Variants in ZNF268 observed in about 807,000 individuals in gnomAD.
ZNF268 encodes the protein zinc finger protein 268.
A neutral mutation model predicts 29.3 loss-of-function variants in ZNF268; 20 were observed. That is an observed-to-expected ratio of 0.68 (90% confidence interval 0.48 to 0.99). ZNF268 has a LOEUF of 0.99. ZNF268 is among the 50% of genes least tolerant of loss of function. The pLI is 0.00. For missense variants in ZNF268, 1,240 were observed against 1,121.6 expected (o/e 1.11, Z -1.51); for synonymous variants, 429 against 376.9 (o/e 1.14, Z -1.60).
chr12:133,199,158 T>C (rs1283438909), intron 5 of ZNF268, among the ~76,000 whole-genome samples: 5 of 152,218 alleles, frequency 3.3e-5, no homozygotes, highest in Non-Finnish European at 5.9e-5. Context: ...TTCAGTATGA[T>C]ATTGGCTGTG....
At chr12:133,195,190 A>C (rs1408575678) in intron 5 of ZNF268, among the ~76,000 whole-genome samples, 1 of 152,082 alleles carries the variant, frequency 6.6e-6, no homozygotes, top group Non-Finnish European at 1.5e-5. Context: ...CTCCAAGCAT[A>C]ATTTCCTTTT....
chr12:133,198,852 A>G (rs887279763), intron 5 of ZNF268, among the ~76,000 whole-genome samples: 3 of 148,780 alleles, frequency 2.0e-5, no homozygotes, highest in Non-Finnish European at 3.0e-5. Context: ...TTATTGGTGT[A>G]TAAGAATGCT....
In ZNF268 at chr12:133,204,631, A is replaced by G; in HGVS notation, c.*101A>G. 1 of 903,974 alleles carries G rather than the reference A, an allele frequency of 1.1e-6. No homozygotes were observed. Among genetic ancestry groups the G allele is most frequent in the Admixed American group, 3.9e-5 (1 of 25,928 alleles). 56.0% of individuals were successfully genotyped at this position (903,974 alleles called of 1,614,324 possible). ...GAATCATCTTGTCATCTTCCAGAAA[A>G]CTCATACTGAATAGAAACTTTATGA... On this transcript the variant is annotated 3_prime_UTR_variant, in exon 6 of 6. Transcript: ENST00000536435.
chr12:133,190,195 G>T (rs770221761), intron 3 of ZNF268, among the ~76,000 whole-genome samples: 2 of 152,180 alleles, frequency 1.3e-5, no homozygotes, highest in Non-Finnish European at 2.9e-5. Flanking sequence ...ATTTATGTGC[G>T]CAGAGCAGTT....
rs562215492 is a variant in ZNF268 at position 133,207,438 on chromosome 12, T to C, written c.*2908T>C. Reference sequence around the variant, plus strand: ...AGTCATGATATTAGGTTTAACAGACTATTAGTGGATCCAGCATCCTTTGTT... The same window carrying C: ...AGTCATGATATTAGGTTTAACAGACCATTAGTGGATCCAGCATCCTTTGTT... On this transcript the variant is annotated 3_prime_UTR_variant, in exon 6 of 6. Coordinates refer to ENST00000536435, the MANE Select transcript of ZNF268 (RefSeq NM_003415.3). 6.6e-6 allele frequency: 1 copy of C among 152,374 alleles called. No individual in the cohort carries two copies. Among genetic ancestry groups the C allele is most frequent in the African/African-American group, 2.4e-5 (1 of 41,588 alleles). The allele number at this position is 152,374 out of a possible 1,614,324, so 9.4% of individuals were successfully genotyped here.
Position 133,211,216 on chromosome 12 carries a change from A to AAACC in ZNF268, c.*6687_*6690dup. ...TGTTTGTATGCAAAATATAAAAAAA[A>AAACC]AACCCTAAAATTGAACAAGAAGACA... is the stretch of plus-strand genomic sequence containing the variant. On this transcript the variant is annotated 3_prime_UTR_variant, in exon 6 of 6. Transcript: ENST00000536435. 2.8e-6 allele frequency: 1 copy of AAACC among 354,834 alleles called. No homozygotes were observed. Among genetic ancestry groups the AAACC allele is most frequent in the African/African-American group, 2.1e-5 (1 of 46,634 alleles). The allele number at this position is 354,834 out of a possible 1,614,324, so 22.0% of individuals were successfully genotyped here. A position where few individuals can be genotyped will look rare whatever the true frequency, so the allele number is the denominator to read the frequency against.
At chr12:133,182,796 G>A (rs1956211463) in intron 2 of ZNF268, among the ~76,000 whole-genome samples, 1 of 152,190 alleles carries the variant, frequency 6.6e-6, no homozygotes, top group African/African-American at 2.4e-5. Context: ...GAGTTTAATG[G>A]TGATAGTAGA....
rs1464289557 is a variant in ZNF268, at chr12:133,202,431, T to C, written c.745T>C (p.Cys249Arg). ...HEQTVIGIKYCESIESGKTVN... is the reference protein window; with the variant it reads ...HEQTVIGIKYRESIESGKTVN... The stretch of plus-strand genomic sequence containing the variant: ...GCAAACTGTTATTGGAATAAAATAC[T>C]GTGAAAGTATTGAATCTGGAAAAAC... Residue 249 changes from cysteine (C) to arginine (R), a missense_variant, in exon 6 of 6, where the codon TGT (cysteine) becomes CGT (arginine). By Grantham distance (180) the Cys-to-Arg change is radical. Around this residue, in one of 3 missense-constraint regions of ZNF268, gnomAD observed 1,177 missense variants for 1,039.6 expected, o/e 1.13. Transcript: ENST00000536435. The C allele has an allele frequency of 1.2e-5, 20 of 1,610,768 alleles. No homozygotes were observed. The highest frequency in any genetic ancestry group is 1.6e-4 in the Middle Eastern group (1 of 6,082).
At chr12:133,189,377 G>C (rs972099932) in intron 3 of ZNF268, among the ~76,000 whole-genome samples, 6 of 151,860 alleles carry the variant, frequency 4.0e-5, no homozygotes, top group African/African-American at 1.5e-4. Flanking sequence ...ACCATACCCG[G>C]CTAATTTTTG....
At position 133,214,130 on chromosome 12, in the gene ZNF268, AAG is replaced by A. The variant is rs1957023931; in HGVS notation, c.*9604_*9605del. The A allele has an allele frequency of 1.3e-5, 2 of 152,244 alleles. No individual in the cohort carries two copies. Among genetic ancestry groups the A allele is most frequent in the Admixed American group, 1.3e-4 (2 of 15,288 alleles). The allele number at this position is 152,244 out of a possible 1,614,324, so 9.4% of individuals were successfully genotyped here. On this transcript the variant is annotated 3_prime_UTR_variant, in exon 6 of 6. Coordinates refer to ENST00000536435, the MANE Select transcript of ZNF268 (RefSeq NM_003415.3). Reference sequence around the variant, plus strand: ...AATATCAAAATGGGCAGAGGACTTGAAGAGACTTTTCTGTAAAGAAGATATGC... The same window carrying A: ...AATATCAAAATGGGCAGAGGACTTGAAGACTTTTCTGTAAAGAAGATATGC...
chr12:133,204,043 G>C lies in ZNF268; in HGVS notation c.2357G>C (p.Gly786Ala). The C allele has an allele frequency of 1.3e-6, 2 of 1,568,572 alleles. No individual in the cohort carries two copies. The highest frequency in any genetic ancestry group is 1.7e-6 in the Non-Finnish European group (2 of 1,160,168). ...GEKPYGCSECGKAFSSKSYLI... is the reference protein window; with the variant it reads ...GEKPYGCSECAKAFSSKSYLI... ...AAGCCTTATGGGTGCAGTGAATGTGGGAAAGCTTTTAGCAGCAAGTCATAC... is the reference window on the plus strand; with the variant it reads ...AAGCCTTATGGGTGCAGTGAATGTGCGAAAGCTTTTAGCAGCAAGTCATAC... The change falls in exon 6 of 6, where the codon GGG becomes GCG. Residue 786 changes from glycine (G) to alanine (A), a missense_variant. Coordinates refer to ENST00000536435, the MANE Select transcript of ZNF268 (RefSeq NM_003415.3).
In ZNF268 at chr12:133,208,242, T is replaced by C. The variant is rs773931377; in HGVS notation, c.*3712T>C. ...CAGGCGCCGTGGCTCATGCCTGTAA[T>C]CCCAGCACTTTGGGAGGCCGAGGTG... On this transcript the variant is annotated 3_prime_UTR_variant, in exon 6 of 6. Transcript: ENST00000536435. 1 of 152,144 alleles carries C rather than the reference T, an allele frequency of 6.6e-6. No individual in the cohort carries two copies. The highest frequency in any genetic ancestry group is 1.5e-5 in the Non-Finnish European group (1 of 68,118). 9.4% of individuals were successfully genotyped at this position (152,144 alleles called of 1,614,324 possible). A position where few individuals can be genotyped will look rare whatever the true frequency, so the allele number is the denominator to read the frequency against.
At position 133,204,645 on chromosome 12, in the gene ZNF268, GA is replaced by G. The variant is rs36172808; in HGVS notation, c.*118del. ...TCTTCCAGAAAACTCATACTGAATA[GA>G]AACTTTATGAATGCACAGCATATGG... is the stretch of plus-strand genomic sequence containing the variant. On this transcript the variant is annotated 3_prime_UTR_variant, in exon 6 of 6. Transcript: ENST00000536435. 519,128 of 776,394 alleles carry G rather than the reference GA, an allele frequency of 0.67. 176,139 individuals are homozygous for G. The highest frequency in any genetic ancestry group is 0.92 in the East Asian group (33,782 of 36,678). 48.1% of individuals were successfully genotyped at this position (776,394 alleles called of 1,614,324 possible).
In ZNF268 at chr12:133,212,472, T is replaced by C. The variant is rs1317172945; in HGVS notation, c.*7942T>C. The C allele has an allele frequency of 4.5e-3, 43 of 9,492 alleles. 1 individual carries two copies. Among genetic ancestry groups the C allele is most frequent in the African/African-American group, 0.02 (37 of 1,840 alleles). The allele number at this position is 9,492 out of a possible 1,614,324, so 0.6% of individuals were successfully genotyped here. A position where few individuals can be genotyped will look rare whatever the true frequency, so the allele number is the denominator to read the frequency against. ...ATATATATATATATATATATATATA[T>C]ATATATATATATATATATATATATA... On this transcript the variant is annotated 3_prime_UTR_variant, in exon 6 of 6. Transcript: ENST00000536435.
intron 1 of ZNF268, 77 bp downstream of exon 1, chr12:133,181,763 C>T: frequency 1.8e-6 from 1 of 561,926 alleles, no homozygotes; most frequent in South Asian, 2.2e-5. Flanking sequence ...GCTGCTGACC[C>T]GGGGCGGTTG....
At chr12:133,186,289 C>A (rs146364877) in intron 2 of ZNF268, among the ~76,000 whole-genome samples, 398 of 152,058 alleles carry the variant, frequency 2.6e-3, no homozygotes, top group African/African-American at 8.8e-3. Flanking sequence ...GATCCTAGAC[C>A]CTGAAATGTA....
chr12:133,191,750 A>G lies in ZNF268; in HGVS notation c.361+135A>G, dbSNP rs145046798. The stretch of plus-strand genomic sequence containing the variant: ...TAAGGCCAGATTTTCTTAGTTCCCT[A>G]TTGGCAGCAGAGTATGCCAGTTGAA... On this transcript the variant is annotated intron_variant, in intron 4 of 5. Coordinates refer to ENST00000536435, the MANE Select transcript of ZNF268 (RefSeq NM_003415.3). 8.2e-4 allele frequency: 1,208 copies of G among 1,472,222 alleles called. 7 individuals carry two copies. In the African/African-American group the frequency reaches 0.013, roughly 16 times the overall value. The allele number at this position is 1,472,222 out of a possible 1,614,324, so 91.2% of individuals were successfully genotyped here. A position where few individuals can be genotyped will look rare whatever the true frequency, so the allele number is the denominator to read the frequency against.
At chr12:133,183,703 A>C (rs1956233133) in intron 2 of ZNF268, among the ~76,000 whole-genome samples, 1 of 152,078 alleles carries the variant, frequency 6.6e-6, no homozygotes, top group African/African-American at 2.4e-5. Context: ...TCAGTTTTGT[A>C]TGGATTGGCT....
rs1956786756 is a variant in ZNF268, at chr12:133,202,762, C to T, written c.1076C>T (p.Pro359Leu). 3 of 1,611,388 alleles carry T rather than the reference C, an allele frequency of 1.9e-6. No individual in the cohort carries two copies. Among genetic ancestry groups the T allele is most frequent in the East Asian group, 4.5e-5 (2 of 44,856 alleles). The change falls in exon 6 of 6, where the codon CCC becomes CTC. Residue 359 changes from proline (P) to leucine (L), a missense_variant. Coordinates refer to ENST00000536435, the MANE Select transcript of ZNF268 (RefSeq NM_003415.3). Reference protein sequence around the residue: ...IHQRIHTGENPYECCECGKVF... With the variant: ...IHQRIHTGENLYECCECGKVF... The stretch of plus-strand genomic sequence containing the variant: ...CAGAGAATTCACACAGGTGAGAATC[C>T]CTATGAGTGCTGTGAATGTGGGAAA...
Sources: allele counts gnomAD v4.1 joint callset (sites outside exome capture counted in the v4.1 genomes callset), GRCh38; gene constraint gnomAD v4.1.1; regional missense constraint gnomAD v4.1.1; transcripts MANE v1.5; gene names NCBI Gene and HGNC (gene_info 2026-07-23, HGNC 2026-07-21).